DDX41: variants seen among roughly 807,000 people sequenced by gnomAD.
The protein encoded by DDX41 is DEAD-box helicase 41.
A neutral mutation model predicts 78.8 loss-of-function variants in DDX41; 50 were observed. The observed-to-expected ratio is 0.63, with a 90% CI of 0.51 to 0.80. The LOEUF is 0.80. DDX41 is among the 30% of genes least tolerant of loss of function. The probability of loss-of-function intolerance (pLI) is 0.00; values close to 1 mark genes in which losing one functional copy is unlikely to be tolerated. For synonymous variants in DDX41, 381 were observed against 321.5 expected, an observed-to-expected ratio of 1.19 and a Z score of -1.98; for missense variants, 633 against 849.2, an observed-to-expected ratio of 0.75 and a Z score of 3.16.
At chr5:177,516,087 C>T (rs1169262164) in intron 4 of DDX41, 32 bp downstream of exon 4, 5 of 1,613,624 alleles carry the variant, frequency 3.1e-6, no homozygotes, top group Non-Finnish European at 4.2e-6. Flanking sequence ...AAGACTCAGT[C>T]CACCTTCTCA....
intron 5 of DDX41, 27 bp downstream of exon 5, chr5:177,515,902 G>A (rs1439561268): frequency 4.3e-6 from 7 of 1,614,168 alleles, no homozygotes; most frequent in Admixed American, 1.7e-5. Context: ...TCCTAAGCAA[G>A]GGCAACTGCA....
Position 177,513,659 on chromosome 5 carries a change from GTGCCC to G in DDX41, c.1098+21_1098+25del. The G allele has an allele frequency of 6.2e-7, 1 of 1,612,382 alleles. No homozygotes were observed. Among genetic ancestry groups the G allele is most frequent in the South Asian group, 1.1e-5 (1 of 91,060 alleles). Reference sequence around the variant, plus strand: ...GGCGTGCAGTGGGGGGCGGTGCAGGGTGCCCTGGCCGGGCGGGGGCGGCACCTTGA... The same window carrying G: ...GGCGTGCAGTGGGGGGCGGTGCAGGGTGGCCGGGCGGGGGCGGCACCTTGA... On this transcript the variant is annotated intron_variant, in intron 10 of 16. Coordinates refer to ENST00000330503, the MANE Select transcript of DDX41 (RefSeq NM_016222.4). This position sits in a 1 kb window ranked among gnomAD's most constrained non-coding sequence, Gnocchi z 4.6.
Position 177,515,276 on chromosome 5 carries a change from C to T in DDX41, c.572-18G>A. On this transcript the variant is annotated intron_variant, in intron 6 of 16. Coordinates refer to ENST00000330503, the MANE Select transcript of DDX41 (RefSeq NM_016222.4). ...CAGGATGGCTATGAAAACCAACCGACATCGTCTTCATGACTCACAGGTACT... is the reference window on the plus strand; with the variant it reads ...CAGGATGGCTATGAAAACCAACCGATATCGTCTTCATGACTCACAGGTACT... 4 of 1,613,722 alleles carry T rather than the reference C, an allele frequency of 2.5e-6. No individual in the cohort carries two copies. Among genetic ancestry groups the T allele is most frequent in the Non-Finnish European group, 3.4e-6 (4 of 1,179,830 alleles).
chr5:177,515,952 C>A lies in DDX41; in HGVS notation c.411G>T (p.Thr137=). 2 of 1,614,180 alleles carry A rather than the reference C, an allele frequency of 1.2e-6. No homozygotes were observed. Among genetic ancestry groups the A allele is most frequent in the Non-Finnish European group, 1.7e-6 (2 of 1,180,032 alleles). The stretch of plus-strand genomic sequence containing the variant: ...ACCTGGTTTTGATGGGGTCATCATA[C>A]GTAATGCCCTTAGCCATCTCCTTCA... ...MSVKEMAKGI[T]YDDPIKTSWT... The change falls in exon 5 of 17, where the codon ACG becomes ACT. Residue 137 remains threonine, a synonymous_variant. Transcript: ENST00000330503.
rs201284514 is a variant in DDX41, at chr5:177,512,305, G to T, written c.1621+17C>A. The T allele has an allele frequency of 3.1e-6, 5 of 1,614,010 alleles. No homozygotes were observed. The highest frequency in any genetic ancestry group is 4.2e-6 in the Non-Finnish European group (5 of 1,179,976). On this transcript the variant is annotated intron_variant, in intron 15 of 16. Transcript: ENST00000330503. ...GGACCCAGGGAACAGCTAAGGTGGC[G>T]CTGGTAACAGACTCACCACACGCTT...
intron 3 of DDX41, 36 bp downstream of exon 3, chr5:177,516,249 GCTT>G (rs750016800): frequency 2.8e-5 from 46 of 1,614,050 alleles, no homozygotes; most frequent in Non-Finnish European, 3.6e-5. Context: ...ACCAGGCTCA[GCTT>G]CTTCTTTCTC....
Position 177,513,574 on chromosome 5 carries a change from C to T in DDX41, c.1099-90G>A. The T allele has an allele frequency of 1.2e-6, 2 of 1,607,798 alleles. No individual in the cohort carries two copies. The highest frequency in any genetic ancestry group is 2.2e-5 in the South Asian group (2 of 90,696). On this transcript the variant is annotated intron_variant, in intron 10 of 16. Coordinates refer to ENST00000330503, the MANE Select transcript of DDX41 (RefSeq NM_016222.4). The surrounding 1 kb of genome is among the most constrained non-coding windows in gnomAD (Gnocchi z 4.6). Reference sequence around the variant, plus strand: ...GAAGCTGAGCAACTGAGACACAGCCCACAAAGTATGAGCAGTGGGTTGGGG... The same window carrying T: ...GAAGCTGAGCAACTGAGACACAGCCTACAAAGTATGAGCAGTGGGTTGGGG...
Position 177,513,154 on chromosome 5 carries a change from C to T in DDX41, c.1231-72G>A. 1 of 1,561,110 alleles carries T rather than the reference C, an allele frequency of 6.4e-7. No individual in the cohort carries two copies. The highest frequency in any genetic ancestry group is 8.8e-7 in the Non-Finnish European group (1 of 1,141,814). On this transcript the variant is annotated intron_variant, in intron 11 of 16. Transcript: ENST00000330503. This position sits in a 1 kb window ranked among gnomAD's most constrained non-coding sequence, Gnocchi z 4.6. ...CCGCCACAGCCCTGCCATGGCCCGT[C>T]ATCTGGACCAGGAGGTGACCAGAAG...
intron 4 of DDX41, 22 bp downstream of exon 4, chr5:177,516,097 A>G (rs2127437722): frequency 6.2e-7 from 1 of 1,614,058 alleles, no homozygotes; most frequent in South Asian, 1.1e-5. Context: ...CCACCTTCTC[A>G]CTATCCTGGC....
At position 177,513,086 on chromosome 5, in the gene DDX41, C is replaced by G. The variant is rs1761054204; in HGVS notation, c.1231-4G>C. On this transcript the variant is annotated splice_region_variant and splice_polypyrimidine_tract_variant and intron_variant, in intron 11 of 16. Transcript: ENST00000330503. The surrounding 1 kb of genome is among the most constrained non-coding windows in gnomAD (Gnocchi z 4.6). Reference sequence around the variant, plus strand: ...CCTCCTTCACATATTCTACCTCCTGCCACCACAAAGATCAGGTCAGGTGAT... The same window carrying G: ...CCTCCTTCACATATTCTACCTCCTGGCACCACAAAGATCAGGTCAGGTGAT... 1 of 1,613,142 alleles carries G rather than the reference C, an allele frequency of 6.2e-7. No individual in the cohort carries two copies.
rs1761134534 is a variant in DDX41, at chr5:177,514,607, G to A, written c.935+94C>T. The A allele has an allele frequency of 1.3e-5, 19 of 1,495,138 alleles. No individual in the cohort carries two copies. Among genetic ancestry groups the A allele is most frequent in the Admixed American group, 6.0e-5 (3 of 50,232 alleles). 92.6% of individuals were successfully genotyped at this position (1,495,138 alleles called of 1,614,324 possible). A position where few individuals can be genotyped will look rare whatever the true frequency, so the allele number is the denominator to read the frequency against. On this transcript the variant is annotated intron_variant, in intron 9 of 16. Coordinates refer to ENST00000330503, the MANE Select transcript of DDX41 (RefSeq NM_016222.4). This position sits in a 1 kb window ranked among gnomAD's most constrained non-coding sequence, Gnocchi z 4.2. ...GGTCGCACTCACAGCAGCCCTCTGT[G>A]AAGATCTGTGGAGTGGCTAAGGTAA...
Position 177,513,977 on chromosome 5 carries a change from T to C in DDX41, c.936-130A>G, listed in dbSNP as rs1581806108. The C allele has an allele frequency of 3.3e-6, 3 of 913,964 alleles. No individual in the cohort carries two copies. Among genetic ancestry groups the C allele is most frequent in the African/African-American group, 1.6e-5 (1 of 61,122 alleles). 56.6% of individuals were successfully genotyped at this position (913,964 alleles called of 1,614,324 possible). A position where few individuals can be genotyped will look rare whatever the true frequency, so the allele number is the denominator to read the frequency against. ...TTCTTTGTCTGTCCCCTTCTCATCA[T>C]TCCCACCACCTGCCCTATGTATAGC... is the stretch of plus-strand genomic sequence containing the variant. On this transcript the variant is annotated intron_variant, in intron 9 of 16. Transcript: ENST00000330503. This position sits in a 1 kb window ranked among gnomAD's most constrained non-coding sequence, Gnocchi z 4.6.
Position 177,516,707 on chromosome 5 carries a change from C to T in DDX41, c.138+18G>A, listed in dbSNP as rs761449885. On this transcript the variant is annotated intron_variant, in intron 2 of 16. Coordinates refer to ENST00000330503, the MANE Select transcript of DDX41 (RefSeq NM_016222.4). Reference sequence around the variant, plus strand: ...CCGCGGTCACGGCCCCATCCCTCCCCGGACGCGTGCCCCTCACCAGTAGCT... The same window carrying T: ...CCGCGGTCACGGCCCCATCCCTCCCTGGACGCGTGCCCCTCACCAGTAGCT... The T allele has an allele frequency of 1.7e-5, 27 of 1,572,132 alleles. 1 individual carries two copies. Among genetic ancestry groups the T allele is most frequent in the Non-Finnish European group, 2.2e-5 (25 of 1,159,030 alleles).
In DDX41 at chr5:177,513,547, G is replaced by A; in HGVS notation, c.1099-63C>T. ...GCTGGGCTGAGGGGCATGGGGTCTG[G>A]GGAAGCTGAGCAACTGAGACACAGC... is the stretch of plus-strand genomic sequence containing the variant. On this transcript the variant is annotated intron_variant, in intron 10 of 16. Transcript: ENST00000330503. This position sits in a 1 kb window ranked among gnomAD's most constrained non-coding sequence, Gnocchi z 4.6. 5 of 1,612,078 alleles carry A rather than the reference G, an allele frequency of 3.1e-6. No homozygotes were observed. Among genetic ancestry groups the A allele is most frequent in the Non-Finnish European group, 4.2e-6 (5 of 1,178,880 alleles).
In DDX41 at chr5:177,513,473, C is replaced by T. The variant is rs773047033; in HGVS notation, c.1110G>A (p.Gln370=). The T allele has an allele frequency of 1.1e-5, 18 of 1,614,186 alleles. No homozygotes were observed. In the East Asian group the frequency reaches 3.3e-4, roughly 30 times the overall value. ...TIFSYFKGQR[Q]TLLFSATMPK... The stretch of plus-strand genomic sequence containing the variant: ...GCATGGTGGCACTGAAGAGCAGGGT[C>T]TGTCGCTGGCCCTGAGGAAGAGGGG... Residue 370 remains glutamine, a synonymous_variant, in exon 11 of 17, where the codon CAG becomes CAA. Transcript: ENST00000330503. This position sits in a 1 kb window ranked among gnomAD's most constrained non-coding sequence, Gnocchi z 4.6.
intron 6 of DDX41, chr5:177,515,474 T>C: frequency 1.2e-6 from 1 of 856,826 alleles, no homozygotes; most frequent in East Asian, 2.5e-5. Context: ...CTATGCCCAA[T>C]GGCACTTTCC....
At chr5:177,516,599 G>A in intron 2 of DDX41, 126 bp downstream of exon 2, 3 of 1,371,828 alleles carry the variant, frequency 2.2e-6, no homozygotes, top group East Asian at 2.5e-5. Context: ...TTGTCTGGGG[G>A]CCGCGCCCTG....
Position 177,515,766 on chromosome 5 carries a change from G to A in DDX41, c.490C>T (p.Arg164Trp), listed in dbSNP as rs142143752. The A allele has an allele frequency of 1.5e-4, 238 of 1,614,020 alleles. No individual in the cohort carries two copies. The highest frequency in any genetic ancestry group is 4.9e-4 in the Middle Eastern group (3 of 6,084). ...TCCACCAGGATGTGGTATTTCTTCC[G>A]CACGCGCTCATGTCGCTCTTCAGAC... is the stretch of plus-strand genomic sequence containing the variant. The part of the protein sequence containing the change: ...SMSEERHERV[R>W]KKYHILVEGD... Residue 164 changes from arginine (R) to tryptophan (W), a missense_variant, in exon 6 of 17, where the codon CGG becomes TGG. By Grantham distance (101) the Arg-to-Trp change is moderately radical. Transcript: ENST00000330503.
intron 13 of DDX41, 66 bp from the exon 14 acceptor site, chr5:177,512,711 C>A: frequency 6.2e-7 from 1 of 1,612,946 alleles, no homozygotes; most frequent in Non-Finnish European, 8.5e-7. Flanking sequence ...GCCAACCAGG[C>A]AGGGGAAGGC....
Sources: allele counts gnomAD v4.1 joint callset, GRCh38; gene constraint gnomAD v4.1.1; non-coding constraint Gnocchi (gnomAD v3.1); transcripts MANE v1.5; gene names NCBI Gene and HGNC (gene_info 2026-07-23, HGNC 2026-07-21).